ZKSCAN4: variants seen among roughly 807,000 people sequenced by gnomAD.
The protein encoded by ZKSCAN4 is zinc finger protein with KRAB and SCAN domains 4.
A neutral mutation model predicts 30.8 loss-of-function variants in ZKSCAN4; 23 were observed. That is an observed-to-expected ratio of 0.75 (90% CI 0.54 to 1.06). The LOEUF (loss-of-function observed/expected upper bound fraction) is 1.06, where lower values mean the gene tolerates loss of function less well. Among genes scored for constraint, ZKSCAN4 ranks in the 50% least tolerant of loss-of-function variants. ZKSCAN4 has a pLI of 0.00. For synonymous variants in ZKSCAN4, 208 were observed against 252.5 expected, an observed-to-expected ratio of 0.82 and a Z score of 1.67; for missense variants, 556 against 665.4, an observed-to-expected ratio of 0.84 and a Z score of 1.81.
rs1356535061 is a variant in ZKSCAN4 at position 28,244,859 on chromosome 6, C to G, written c.*257G>C. ...AAGTCCAGAAGGCCATTTAAATACA[C>G]TGGGTGAGAACAAACTATTTTAGGT... On this transcript the variant is annotated 3_prime_UTR_variant, in exon 5 of 5. Coordinates refer to ENST00000377294, the MANE Select transcript of ZKSCAN4 (RefSeq NM_019110.5). 2.0e-6 allele frequency: 1 copy of G among 508,454 alleles called. No homozygotes were observed. The highest frequency in any genetic ancestry group is 3.6e-6 in the Non-Finnish European group (1 of 281,254). The allele number at this position is 508,454 out of a possible 1,614,324, so 31.5% of individuals were successfully genotyped here. A position where few individuals can be genotyped will look rare whatever the true frequency, so the allele number is the denominator to read the frequency against.
chr6:28,248,096 C>T lies in ZKSCAN4; in HGVS notation c.625G>A (p.Val209Ile), dbSNP rs368794375. Residue 209 changes from valine (V) to isoleucine (I), a missense_variant, in exon 3 of 5, where the codon GTA becomes ATA. Val to Ile is a conservative substitution (Grantham distance 29, BLOSUM62 3). Coordinates refer to ENST00000377294, the MANE Select transcript of ZKSCAN4 (RefSeq NM_019110.5). ...QGGCCREDAM[V>I]ASRLTPGSQG... ...GACCCTGGAGTGAGCCTGGAAGCTA[C>T]CATTGCATCTTCTCTGCAGCACCCT... 18 of 1,613,468 alleles carry T rather than the reference C, an allele frequency of 1.1e-5. No individual in the cohort carries two copies. The highest frequency in any genetic ancestry group is 1.7e-5 in the Admixed American group (1 of 59,946).
In ZKSCAN4 at chr6:28,249,506, A is replaced by G. The variant is rs1388500654; in HGVS notation, c.571+181T>C. On this transcript the variant is annotated intron_variant, in intron 2 of 4. Transcript: ENST00000377294. This position sits in a 1 kb window ranked among gnomAD's most constrained non-coding sequence, Gnocchi z 4.1. ...CAATTTTAATAAAATCAGATTTACT[A>G]TGTCCTAGTTTGGTTAGGAAAGTTT... Among the ~76,000 whole-genome samples, 3 of 152,162 alleles carry G rather than the reference A, an allele frequency of 2.0e-5. No homozygotes were observed. Among genetic ancestry groups the G allele is most frequent in the South Asian group, 2.1e-4 (1 of 4,836 alleles).
chr6:28,245,136 T>C lies in ZKSCAN4; in HGVS notation c.1618A>G (p.Lys540Glu), dbSNP rs931338909. The C allele has an allele frequency of 6.2e-6, 10 of 1,613,882 alleles. No homozygotes were observed. Among genetic ancestry groups the C allele is most frequent in the African/African-American group, 2.7e-5 (2 of 74,916 alleles). Reference sequence around the variant, plus strand: ...ATGGGTCACTGTGAAAGAGTTTTTTTCCCTACATGGCTTCTCTGATGTTGA... The same window carrying C: ...ATGGGTCACTGTGAAAGAGTTTTTTCCCCTACATGGCTTCTCTGATGTTGA... ...LVQHQRSHVG[K>E]KTLSQ Residue 540 changes from lysine to glutamate, a missense_variant, in exon 5 of 5, where the codon AAA becomes GAA. Around this residue, in one of 3 missense-constraint regions of ZKSCAN4, gnomAD observed 433 missense variants for 511.5 expected, o/e 0.85. Transcript: ENST00000377294.
At chr6:28,258,878 T>C in the ZKSCAN4 span, among the ~76,000 whole-genome samples, 2 of 148,874 alleles carry the variant, frequency 1.3e-5, no homozygotes, top group African/African-American at 5.0e-5. Flanking sequence ...ACAAGGGGGG[T>C]TGGGAAGTGA....
the ZKSCAN4 span, among the ~76,000 whole-genome samples, chr6:28,258,895 A>C: frequency 1.3e-5 from 2 of 152,132 alleles, no homozygotes; most frequent in African/African-American, 4.8e-5. Flanking sequence ...GTGATTAATT[A>C]AACATATTTC....
rs770716791 is a variant in ZKSCAN4 at position 28,249,213 on chromosome 6, A to C, written c.571+474T>G. 7.9e-5 allele frequency among the ~76,000 whole-genome samples: 12 copies of C among 152,256 alleles called. No homozygotes were observed. Among genetic ancestry groups the C allele is most frequent in the Non-Finnish European group, 1.8e-4 (12 of 68,044 alleles). On this transcript the variant is annotated intron_variant, in intron 2 of 4. Transcript: ENST00000377294. The surrounding 1 kb of genome is among the most constrained non-coding windows in gnomAD (Gnocchi z 4.1). The stretch of plus-strand genomic sequence containing the variant: ...AGATTTACACTCTTCTATTTGCAGC[A>C]GTCCTACTATCTCTGGAATGTTCTG...
rs1581585331 is a variant in ZKSCAN4 at position 28,249,640 on chromosome 6, T to C, written c.571+47A>G. 1 of 1,582,632 alleles carries C rather than the reference T, an allele frequency of 6.3e-7. No individual in the cohort carries two copies. The highest frequency in any genetic ancestry group is 8.6e-7 in the Non-Finnish European group (1 of 1,163,508). On this transcript the variant is annotated intron_variant, in intron 2 of 4. Coordinates refer to ENST00000377294, the MANE Select transcript of ZKSCAN4 (RefSeq NM_019110.5). The surrounding 1 kb of genome is among the most constrained non-coding windows in gnomAD (Gnocchi z 4.1). ...TCTTTTAGGTGATCCTTAAATGAAA[T>C]TGGATGAAGTCTATAGAATTCATAC... is the stretch of plus-strand genomic sequence containing the variant.
rs1371750826 is a variant in ZKSCAN4 at position 28,249,414 on chromosome 6, G to C, written c.571+273C>G. Among the ~76,000 whole-genome samples the C allele has an allele frequency of 2.6e-5, 4 of 152,070 alleles. No homozygotes were observed. Among genetic ancestry groups the C allele is most frequent in the Admixed American group, 2.0e-4 (3 of 15,270 alleles). On this transcript the variant is annotated intron_variant, in intron 2 of 4. Coordinates refer to ENST00000377294, the MANE Select transcript of ZKSCAN4 (RefSeq NM_019110.5). The surrounding 1 kb of genome is among the most constrained non-coding windows in gnomAD (Gnocchi z 4.1). ...ACAACACTGGCTACCATAGATGAAG[G>C]CTCCCTAAATATATCTAATGAATGG...
At position 28,245,585 on chromosome 6, in the gene ZKSCAN4, T is replaced by A; in HGVS notation, c.1169A>T (p.Asn390Ile). 1 of 1,614,144 alleles carries A rather than the reference T, an allele frequency of 6.2e-7. No individual in the cohort carries two copies. The highest frequency in any genetic ancestry group is 1.1e-5 in the South Asian group (1 of 91,080). Residue 390 changes from asparagine (N) to isoleucine (I), a missense_variant, in exon 5 of 5, where the codon AAC becomes ATC. Asn to Ile is a moderately radical substitution (Grantham distance 149, BLOSUM62 -3). Transcript: ENST00000377294. ...ECGKVFSHSS[N>I]LIKHQRTHTG... ...GTGGGTTCTCTGGTGTTTGATAAGG[T>A]TTGAGCTGTGACTGAAGACCTTACC...
chr6:28,251,955 G>A lies in ZKSCAN4; in HGVS notation c.26C>T (p.Ala9Val). MAREPRKN[A>V]ALDAQSAEDQ... ...TTCTGCAGACTGGGCGTCCAGGGCTGCGTTTTTTCTCGGTTCTCTAGCCAT... is the reference window on the plus strand; with the variant it reads ...TTCTGCAGACTGGGCGTCCAGGGCTACGTTTTTTCTCGGTTCTCTAGCCAT... Residue 9 changes from alanine (A) to valine (V), a missense_variant, in exon 1 of 5, where the codon GCA becomes GTA. Coordinates refer to ENST00000377294, the MANE Select transcript of ZKSCAN4 (RefSeq NM_019110.5). This position sits in a 1 kb window ranked among gnomAD's most constrained non-coding sequence, Gnocchi z 4.5. 6.6e-7 allele frequency: 1 copy of A among 1,520,916 alleles called. No homozygotes were observed. The highest frequency in any genetic ancestry group is 8.8e-7 in the Non-Finnish European group (1 of 1,138,830). The allele number at this position is 1,520,916 out of a possible 1,614,324, so 94.2% of individuals were successfully genotyped here. A position where few individuals can be genotyped will look rare whatever the true frequency, so the allele number is the denominator to read the frequency against.
At position 28,247,033 on chromosome 6, in the gene ZKSCAN4, AT is replaced by A. The variant is rs1561858402; in HGVS notation, c.713del (p.Asp238ValfsTer5). On this transcript the variant is annotated frameshift_variant, in exon 4 of 5. Coordinates refer to ENST00000377294, the MANE Select transcript of ZKSCAN4 (RefSeq NM_019110.5). LOFTEE classifies it high-confidence loss of function. ...CTCTGTAGAGGTTCACCTGAGATGA[AT>A]CCAGCTGTGTCCACCCAGGAGTGAG... is the stretch of plus-strand genomic sequence containing the variant. ...LTLTPGWTQL[D>X]SSQVNLYRDE... is the part of the protein sequence containing the mutation. 6.2e-7 allele frequency: 1 copy of A among 1,613,332 alleles called. No homozygotes were observed. Among genetic ancestry groups the A allele is most frequent in the Admixed American group, 1.7e-5 (1 of 59,886 alleles).
At position 28,244,822 on chromosome 6, in the gene ZKSCAN4, A is replaced by C. The variant is rs1181768860; in HGVS notation, c.*294T>G. ...ACCAGATGTCCTAAAGTGCTGGCTG[A>C]GGGCAATTAACAAGTCCAGAAGGCC... On this transcript the variant is annotated 3_prime_UTR_variant, in exon 5 of 5. Transcript: ENST00000377294. 3 of 424,926 alleles carry C rather than the reference A, an allele frequency of 7.1e-6. No individual in the cohort carries two copies. Among genetic ancestry groups the C allele is most frequent in the Admixed American group, 3.5e-5 (1 of 28,234 alleles). The allele number at this position is 424,926 out of a possible 1,614,324, so 26.3% of individuals were successfully genotyped here.
Position 28,245,153 on chromosome 6 carries a change from T to G in ZKSCAN4, c.1601A>C (p.Gln534Pro). 6.2e-7 allele frequency: 1 copy of G among 1,614,058 alleles called. No individual in the cohort carries two copies. Among genetic ancestry groups the G allele is most frequent in the Non-Finnish European group, 8.5e-7 (1 of 1,179,960 alleles). ...AGTTTTTTTCCCTACATGGCTTCTC[T>G]GATGTTGAACAAGGTATGAAGTTCG... ...FTRTSYLVQH[Q>P]RSHVGKKTLS... is the part of the protein sequence containing the mutation. The change falls in exon 5 of 5, where the codon CAG becomes CCG. Residue 534 changes from glutamine (Q) to proline (P), a missense_variant. Gln to Pro is a moderately conservative substitution (Grantham distance 76). This residue lies in a region of ZKSCAN4 where 433 missense variants were observed against 511.5 expected (regional missense o/e 0.85). Transcript: ENST00000377294.
intron 3 of ZKSCAN4, among the ~76,000 whole-genome samples, chr6:28,247,460 G>A (rs939225678): frequency 2.0e-5 from 3 of 151,224 alleles, no homozygotes; most frequent in Non-Finnish European, 2.9e-5. Flanking sequence ...AAAATACAAT[G>A]AAATCTAGAA....
At position 28,251,927 on chromosome 6, in the gene ZKSCAN4, GTCT is replaced by G. The variant is rs761738292; in HGVS notation, c.51_53del (p.Glu17del). 1 of 1,527,082 alleles carries G rather than the reference GTCT, an allele frequency of 6.5e-7. No individual in the cohort carries two copies. The highest frequency in any genetic ancestry group is 2.3e-5 in the Admixed American group (1 of 44,222). The allele number at this position is 1,527,082 out of a possible 1,614,324, so 94.6% of individuals were successfully genotyped here. On this transcript the variant is annotated inframe_deletion, in exon 1 of 5. Transcript: ENST00000377294. This position sits in a 1 kb window ranked among gnomAD's most constrained non-coding sequence, Gnocchi z 4.5. ...CCTTCACGGTCAGGAGCCCCGTCTG[GTCT>G]TCTGCAGACTGGGCGTCCAGGGCTG... is the stretch of plus-strand genomic sequence containing the variant.
Position 28,245,697 on chromosome 6 carries a change from A to C in ZKSCAN4, c.1057T>G (p.Cys353Gly), listed in dbSNP as rs747911773. 37 of 1,614,030 alleles carry C rather than the reference A, an allele frequency of 2.3e-5. No individual in the cohort carries two copies. The highest frequency in any genetic ancestry group is 3.1e-5 in the Non-Finnish European group (36 of 1,180,032). ...TGEKPYECED[C>G]GKTFIGSSAL... ...GAGCTCCCAATGAAGGTCTTTCCAC[A>C]GTCTTCACATTCATAGGGTTTCTCA... Residue 353 changes from cysteine to glycine, a missense_variant, in exon 5 of 5, where the codon TGT (cysteine) becomes GGT (glycine). Transcript: ENST00000377294.
In ZKSCAN4 at chr6:28,251,867, C is replaced by T. The variant is rs1177972936; in HGVS notation, c.114G>A (p.Glu38=). Reference sequence around the variant, plus strand: ...GAGCAGGGCTGCAGGGTGCTCTCACCTCCGCCGTCAAGGCGGAGGCTTCCT... The same window carrying T: ...GAGCAGGGCTGCAGGGTGCTCTCACTTCCGCCGTCAAGGCGGAGGCTTCCT... The part of the protein sequence containing the change: ...EKEEASALTA[E]VRAPCSPARG... The change falls in exon 1 of 5, where the codon GAG becomes GAA. Residue 38 remains glutamate, a synonymous_variant. Transcript: ENST00000377294. The surrounding 1 kb of genome is among the most constrained non-coding windows in gnomAD (Gnocchi z 4.5). 7 of 1,565,288 alleles carry T rather than the reference C, an allele frequency of 4.5e-6. No individual in the cohort carries two copies. Among genetic ancestry groups the T allele is most frequent in the Non-Finnish European group, 6.0e-6 (7 of 1,160,232 alleles).
In ZKSCAN4 at chr6:28,245,458, G is replaced by A; in HGVS notation, c.1296C>T (p.Tyr432=). 6.2e-7 allele frequency: 1 copy of A among 1,614,206 alleles called. No individual in the cohort carries two copies. Among genetic ancestry groups the A allele is most frequent in the Non-Finnish European group, 8.5e-7 (1 of 1,180,040 alleles). ...AGGCTTTGCCACACATATTGCACTGGTATGGCTTCTCCCCAGTATGAATTT... is the reference window on the plus strand; with the variant it reads ...AGGCTTTGCCACACATATTGCACTGATATGGCTTCTCCCCAGTATGAATTT... ...HHKIHTGEKP[Y]QCNMCGKAFR... Residue 432 remains tyrosine, a synonymous_variant, in exon 5 of 5, where the codon TAC becomes TAT. Transcript: ENST00000377294.
Position 28,244,173 on chromosome 6 carries a change from G to C in ZKSCAN4, c.*943C>G, listed in dbSNP as rs906317370. On this transcript the variant is annotated 3_prime_UTR_variant, in exon 5 of 5. Coordinates refer to ENST00000377294, the MANE Select transcript of ZKSCAN4 (RefSeq NM_019110.5). ...GCACAGTCAGCTATAAACTGGGGAA[G>C]AGGGACACAGATGACGTCTTAGCAC... Among the ~76,000 whole-genome samples the C allele has an allele frequency of 6.6e-6, 1 of 152,220 alleles. No homozygotes were observed. The highest frequency in any genetic ancestry group is 1.5e-5 in the Non-Finnish European group (1 of 68,036).
Sources: allele counts gnomAD v4.1 joint callset (sites outside exome capture counted in the v4.1 genomes callset), GRCh38; gene constraint gnomAD v4.1.1; regional missense constraint gnomAD v4.1.1; non-coding constraint Gnocchi (gnomAD v3.1); transcripts MANE v1.5; gene names NCBI Gene and HGNC (gene_info 2026-07-23, HGNC 2026-07-21).